GPR89B: variants seen among roughly 807,000 people sequenced by gnomAD.
The protein encoded by GPR89B is G protein-coupled receptor 89B.
GPR89B carries 25 observed loss-of-function variants against 52.4 expected under a neutral mutation model. The ratio of observed to expected loss-of-function variants is 0.48; its 90% CI spans 0.35 to 0.67. The LOEUF (loss-of-function observed/expected upper bound fraction) is 0.67, where lower values mean the gene tolerates loss of function less well. Among genes scored for constraint, GPR89B ranks in the 30% least tolerant of loss-of-function variants. GPR89B has a pLI of 0.01. For missense variants in GPR89B, 146 were observed against 450.2 expected (o/e 0.32, Z 6.11); for synonymous variants, 52 against 151.2 (o/e 0.34, Z 4.81).
chr1:147,991,162 A>G (rs2149097006), intron 12 of GPR89B, among the ~76,000 whole-genome samples: 1 of 151,120 alleles, frequency 6.6e-6, no homozygotes, highest in African/African-American at 2.5e-5. Flanking sequence ...GAGGTCCTTC[A>G]CATCCCTTGT....
At chr1:148,022,828 CTT>C in the GPR89B span, among the ~76,000 whole-genome samples, 46 of 145,268 alleles carry the variant, frequency 3.2e-4, 1 homozygote, top group African/African-American at 1.1e-3. Flanking sequence ...TTAATTTGCT[CTT>C]GTTTTCTTTG....
intron 11 of GPR89B, among the ~76,000 whole-genome samples, chr1:147,987,102 T>C (rs1162427123): frequency 4.6e-5 from 7 of 152,160 alleles, no homozygotes; most frequent in African/African-American, 1.4e-4. Context: ...CAAGAGCAAA[T>C]TGAGCCCCAA....
the GPR89B span, among the ~76,000 whole-genome samples, chr1:148,014,188 G>A: frequency 5.3e-5 from 8 of 151,412 alleles, no homozygotes; most frequent in South Asian, 2.1e-4. Flanking sequence ...AAGAGCCGCC[G>A]TTGCAGGCGG....
chr1:148,018,961 C>T, the GPR89B span, among the ~76,000 whole-genome samples: 12,957 of 150,772 alleles, frequency 0.086, 715 homozygotes, highest in South Asian at 0.15. Context: ...CCACTGCACC[C>T]AGCCTATTAT....
At chr1:147,994,576 A>G (rs1481298325), downstream of GPR89B, among the ~76,000 whole-genome samples, 5 of 152,306 alleles carry the variant, frequency 3.3e-5, no homozygotes, top group South Asian at 4.1e-4. Flanking sequence ...CAGATGATCT[A>G]GGTATGACTA....
chr1:147,978,947 G>A (rs1344202737), intron 10 of GPR89B, among the ~76,000 whole-genome samples: 3 of 151,122 alleles, frequency 2.0e-5, no homozygotes, highest in Non-Finnish European at 4.4e-5. Context: ...TGAGCATCTG[G>A]GCAGCTCTGT....
chr1:147,968,530 A>T, intron 8 of GPR89B: 1 of 399,894 alleles, frequency 2.5e-6, no homozygotes, highest in Non-Finnish European at 4.7e-6. Flanking sequence ...ATGCTTTATT[A>T]TAGTTATTAT....
chr1:147,999,564 A>C, the GPR89B span, among the ~76,000 whole-genome samples: 6 of 144,968 alleles, frequency 4.1e-5, no homozygotes, highest in African/African-American at 1.6e-4. Flanking sequence ...GCACCACTGC[A>C]CTCCAGCCTG....
At chr1:148,017,366 T>C in the GPR89B span, among the ~76,000 whole-genome samples, 1 of 151,348 alleles carries the variant, frequency 6.6e-6, no homozygotes. Flanking sequence ...TGTATTAGAA[T>C]AGAAAAGTTG....
At chr1:148,020,750 C>T in the GPR89B span, among the ~76,000 whole-genome samples, 2 of 152,130 alleles carry the variant, frequency 1.3e-5, no homozygotes, top group East Asian at 3.9e-4. Flanking sequence ...TGCAGTTGCA[C>T]GATCCTGGCT....
the GPR89B span, among the ~76,000 whole-genome samples, chr1:148,000,178 CCTAA>C: frequency 6.6e-6 from 1 of 151,180 alleles, no homozygotes; most frequent in African/African-American, 2.4e-5. Flanking sequence ...TTCTTTCTAT[CCTAA>C]CTAAATATTT....
intron 1 of GPR89B, 127 bp from the exon 2 acceptor site, chr1:147,936,500 G>A: frequency 2.9e-6 from 2 of 698,560 alleles, no homozygotes; most frequent in Non-Finnish European, 5.0e-6. Flanking sequence ...TATAAGAGTG[G>A]ATCTTATCTT....
At chr1:148,010,482 T>C in the GPR89B span, 4 of 152,086 alleles carry the variant, frequency 2.6e-5, no homozygotes, top group African/African-American at 9.6e-5. Context: ...CAAAAACATA[T>C]GAATTTAGAA....
chr1:147,986,168 T>C (rs1273350905), intron 10 of GPR89B, 31 bp from the exon 11 acceptor site: 68 of 1,609,836 alleles, frequency 4.2e-5, no homozygotes, highest in Non-Finnish European at 5.6e-5. Flanking sequence ...ATTGTTAAGA[T>C]GCTCCAAGGT....
chr1:148,007,318 G>C, the GPR89B span, among the ~76,000 whole-genome samples: 1 of 152,040 alleles, frequency 6.6e-6, no homozygotes, highest in African/African-American at 2.4e-5. Flanking sequence ...CTTAAGATCC[G>C]CCTGCCTCGG....
At chr1:147,968,128 T>G in intron 8 of GPR89B, 1 of 381,842 alleles carries the variant, frequency 2.6e-6, no homozygotes, top group South Asian at 2.0e-5. Context: ...GCTGTGTTAG[T>G]GATGAGTTAA....
intron 9 of GPR89B, chr1:147,969,236 C>T (rs1275020936): frequency 9.2e-6 from 4 of 432,940 alleles, no homozygotes; most frequent in African/African-American, 8.1e-5. Context: ...GTACCACCTC[C>T]TACTAACCTG....
At chr1:148,016,996 TCTTGCTTGCTTG>T in the GPR89B span, among the ~76,000 whole-genome samples, 17 of 151,066 alleles carry the variant, frequency 1.1e-4, 1 homozygote, top group East Asian at 5.8e-4. Context: ...TTTGGTTTTG[TCTTGCTTGCTTG>T]CTTGCTTGCT....
the GPR89B span, among the ~76,000 whole-genome samples, chr1:148,004,697 C>T: frequency 1.7e-4 from 15 of 87,144 alleles, no homozygotes; most frequent in South Asian, 5.5e-3. Context: ...AGGAAAATCT[C>T]GGTTATCTCC....
Sources: gnomAD v4.1 joint callset for allele counts (sites outside exome capture counted in the v4.1 genomes callset) on GRCh38, gnomAD v4.1.1 for gene constraint, MANE v1.5 for transcripts, NCBI Gene and HGNC (gene_info 2026-07-23, HGNC 2026-07-21) for gene names.